The following DLGAP1 variants were observed in gnomAD, a reference collection of about 807,000 sequenced individuals.
DLGAP1 encodes the protein disks large-associated protein 1.
In DLGAP1, 11 loss-of-function variants were observed where a neutral mutation model predicts 90.8. The ratio of observed to expected loss-of-function variants is 0.12; its 90% CI spans 0.08 to 0.20. DLGAP1 has a LOEUF of 0.20. DLGAP1 is among the 10% of genes least tolerant of loss of function. The probability of loss-of-function intolerance (pLI) is 1.00; values close to 1 mark genes in which losing one functional copy is unlikely to be tolerated. For missense variants in DLGAP1, 1,050 were observed against 1,333.8 expected, an observed-to-expected ratio of 0.79 and a Z score of 3.31; for synonymous variants, 558 against 540.7, an observed-to-expected ratio of 1.03 and a Z score of -0.44.
chr18:3,904,981 CATTATTATTATT>C, intron 3 of DLGAP1, among the ~76,000 whole-genome samples: 1 of 151,080 alleles, frequency 6.6e-6, no homozygotes, highest in Non-Finnish European at 1.5e-5. Context: ...CCCTATTATT[CATTATTATTATT>C]ATTATTATTT....
chr18:3,571,822 G>A (rs537587616), intron 8 of DLGAP1, among the ~76,000 whole-genome samples: 4 of 152,226 alleles, frequency 2.6e-5, no homozygotes, highest in Non-Finnish European at 2.9e-5. Flanking sequence ...CAATGTTCCC[G>A]GCCGCCTGGA....
At chr18:4,192,870 G>A (rs1387510969) in intron 1 of DLGAP1, among the ~76,000 whole-genome samples, 11 of 152,214 alleles carry the variant, frequency 7.2e-5, no homozygotes, top group Admixed American at 7.2e-4. Context: ...GACAGAAGTT[G>A]TTCACGTTGG....
chr18:4,332,095 A>T (rs1441551004), intron 1 of DLGAP1, among the ~76,000 whole-genome samples: 1 of 151,934 alleles, frequency 6.6e-6, no homozygotes, highest in Admixed American at 6.5e-5. Flanking sequence ...AATGGAAATC[A>T]ACTGAGGCTG....
At chr18:3,743,261 A>G (rs897043224) in intron 5 of DLGAP1, among the ~76,000 whole-genome samples, 1 of 152,152 alleles carries the variant, frequency 6.6e-6, no homozygotes, top group Non-Finnish European at 1.5e-5. Flanking sequence ...CATACCCTTA[A>G]AAGAACTACT....
chr18:3,874,145 T>C (rs1251276422), intron 4 of DLGAP1: 2 of 1,549,842 alleles, frequency 1.3e-6, no homozygotes, highest in Non-Finnish European at 1.7e-6. Flanking sequence ...AAAAGAGTTA[T>C]ACCCAAACCT....
chr18:4,105,198 C>T (rs1451614574), intron 2 of DLGAP1, among the ~76,000 whole-genome samples: 5 of 152,138 alleles, frequency 3.3e-5, no homozygotes, highest in Non-Finnish European at 4.4e-5. Context: ...CAAAGCAAGA[C>T]GAGCAGTCAG....
intron 1 of DLGAP1, among the ~76,000 whole-genome samples, chr18:4,198,923 G>C (rs542548850): frequency 1.3e-5 from 2 of 152,356 alleles, no homozygotes; most frequent in Non-Finnish European, 2.9e-5. Context: ...CAAAAGAAAA[G>C]CAGGCATCGT....
At position 3,604,458 on chromosome 18, in the gene DLGAP1, A is replaced by ACACG. The variant is rs989395619; in HGVS notation, c.1592-22211_1592-22210insCGTG. On this transcript the variant is annotated intron_variant, in intron 7 of 12. Transcript: ENST00000315677. ...TATGTTTACAAACACACGCACACGC[A>ACACG]CACACACACACACATACACACAAAA... 5.1e-3 allele frequency: 30 copies of ACACG among 5,852 alleles called. No homozygotes were observed. The African/African-American group carries it at 0.11, about 22-fold the overall frequency. The allele number at this position is 5,852 out of a possible 1,614,324, so 0.4% of individuals were successfully genotyped here.
At chr18:3,983,093 G>A (rs1216087139) in intron 3 of DLGAP1, 2 of 151,800 alleles carry the variant, frequency 1.3e-5, no homozygotes. Flanking sequence ...CAGAGTCAAA[G>A]GAATATAGAA....
chr18:3,569,601 C>A (rs1244047253), intron 8 of DLGAP1, among the ~76,000 whole-genome samples: 1 of 151,884 alleles, frequency 6.6e-6, no homozygotes, highest in Non-Finnish European at 1.5e-5. Flanking sequence ...TTCTTTTATG[C>A]TTTCATGTTA....
At chr18:4,097,134 AC>A (rs2075695348) in intron 2 of DLGAP1, among the ~76,000 whole-genome samples, 1 of 152,220 alleles carries the variant, frequency 6.6e-6, no homozygotes, top group Admixed American at 6.5e-5. Flanking sequence ...CCAATTGTTT[AC>A]CACATTAAGG....
chr18:3,525,846 G>A (rs2051581363), intron 10 of DLGAP1, among the ~76,000 whole-genome samples: 1 of 152,166 alleles, frequency 6.6e-6, no homozygotes, highest in African/African-American at 2.4e-5. Context: ...GCCCAGTTCT[G>A]CCCCCAATTA....
At chr18:3,680,491 C>T (rs965504634) in intron 7 of DLGAP1, among the ~76,000 whole-genome samples, 8 of 152,214 alleles carry the variant, frequency 5.3e-5, no homozygotes, top group African/African-American at 1.9e-4. Flanking sequence ...AATGCTTAGC[C>T]ATTGAAAATT....
intron 1 of DLGAP1, among the ~76,000 whole-genome samples, chr18:4,214,851 A>T (rs2077919098): frequency 6.6e-6 from 1 of 152,172 alleles, no homozygotes; most frequent in Non-Finnish European, 1.5e-5. Flanking sequence ...TAGGAAGAGA[A>T]TCCCACCAAA....
intron 2 of DLGAP1, among the ~76,000 whole-genome samples, chr18:4,132,636 C>A (rs1241203883): frequency 6.6e-6 from 1 of 152,148 alleles, no homozygotes; most frequent in East Asian, 1.9e-4. Context: ...TATCATCCTA[C>A]AAAAGAAATG....
intron 1 of DLGAP1, among the ~76,000 whole-genome samples, chr18:4,159,141 T>C (rs1323696732): frequency 6.6e-6 from 1 of 152,208 alleles, no homozygotes; most frequent in Non-Finnish European, 1.5e-5. Context: ...AATGTGCACA[T>C]AGTACCTTGC....
intron 5 of DLGAP1, among the ~76,000 whole-genome samples, chr18:3,746,441 C>T (rs1358314917): frequency 6.6e-6 from 1 of 151,750 alleles, no homozygotes; most frequent in Non-Finnish European, 1.5e-5. Flanking sequence ...ACTTAGATGC[C>T]ATAAAGAGAA....
chr18:4,297,380 A>G (rs1299126410), intron 1 of DLGAP1, among the ~76,000 whole-genome samples: 1 of 152,226 alleles, frequency 6.6e-6, no homozygotes, highest in Non-Finnish European at 1.5e-5. Context: ...ATTGAAATAT[A>G]ATATCCACAT....
At chr18:4,199,981 T>C (rs1223353257) in intron 1 of DLGAP1, among the ~76,000 whole-genome samples, 1 of 152,192 alleles carries the variant, frequency 6.6e-6, no homozygotes, top group Admixed American at 6.5e-5. Context: ...ATCATCCAAA[T>C]AGAACTCTTA....
Sources: gnomAD v4.1 joint callset for allele counts (sites outside exome capture counted in the v4.1 genomes callset) on GRCh38, gnomAD v4.1.1 for gene constraint, MANE v1.5 for transcripts, NCBI Gene and HGNC (gene_info 2026-07-23, HGNC 2026-07-21) for gene names.